TENM1: variants seen among roughly 807,000 people sequenced by gnomAD.
TENM1 encodes teneurin transmembrane protein 1, also known as teneurin-1.
TENM1 carries 35 observed loss-of-function variants against 174.8 expected under a neutral mutation model. That is an observed-to-expected ratio of 0.20 (90% CI 0.15 to 0.27). The LOEUF (loss-of-function observed/expected upper bound fraction) is 0.27, where lower values mean the gene tolerates loss of function less well. Among genes scored for constraint, TENM1 ranks in the 10% least tolerant of loss-of-function variants. TENM1 has a pLI of 1.00. For missense variants in TENM1, 1,633 were observed against 2,130.1 expected (o/e 0.77, Z 4.59); for synonymous variants, 781 against 798.7 (o/e 0.98, Z 0.37).
intron 25 of TENM1, 114 bp from the exon 29 acceptor site, chrX:124,406,603 T>G: frequency 2.2e-6 from 1 of 446,545 alleles, no homozygotes; most frequent in Middle Eastern, 6.8e-4. Flanking sequence ...ATAACAAGTA[T>G]TATTAACCTT....
At chrX:124,618,928 A>G (rs1471965346) in intron 11 of TENM1, among the ~76,000 whole-genome samples, 1 of 111,062 alleles carries the variant, frequency 9.0e-6, no homozygotes, top group Non-Finnish European at 1.9e-5. Flanking sequence ...AAAAAATTTT[A>G]AAAAGCTAGC....
the TENM1 span, among the ~76,000 whole-genome samples, chrX:125,145,466 C>G: frequency 8.9e-6 from 1 of 112,416 alleles, no homozygotes; most frequent in Non-Finnish European, 1.9e-5. Context: ...AAATTTGTAA[C>G]TTGGCCTTAA....
intron 5 of TENM1, among the ~76,000 whole-genome samples, chrX:124,673,196 T>C (rs1349241853): frequency 9.0e-6 from 1 of 111,409 alleles, no homozygotes; most frequent in Non-Finnish European, 1.9e-5. Flanking sequence ...AAATATGACT[T>C]TGTAAAGTAC....
chrX:125,130,891 G>A, the TENM1 span, among the ~76,000 whole-genome samples: 4 of 110,844 alleles, frequency 3.6e-5, no homozygotes, highest in South Asian at 7.7e-4. Flanking sequence ...GGAGACACTC[G>A]GTAAATAAAA....
At chrX:124,434,824 C>T (rs1569531507) in intron 23 of TENM1, among the ~76,000 whole-genome samples, 2 of 111,800 alleles carry the variant, frequency 1.8e-5, no homozygotes, top group African/African-American at 6.5e-5. Context: ...TGCTACTTGC[C>T]GATTTACTGT....
At chrX:124,888,990 T>C (rs926166222) in intron 3 of TENM1, among the ~76,000 whole-genome samples, 2 of 112,472 alleles carry the variant, frequency 1.8e-5, no homozygotes, top group African/African-American at 6.5e-5. Context: ...AACCACTTAC[T>C]ATACAGAAAA....
At chrX:124,578,094 TA>T (rs35737332) in intron 11 of TENM1, among the ~76,000 whole-genome samples, 1 of 107,047 alleles carries the variant, frequency 9.3e-6, no homozygotes, top group Non-Finnish European at 1.9e-5. Context: ...CCCAGCTAAT[TA>T]AAAAAAATTT....
chrX:124,717,869 A>G (rs2053222937), intron 4 of TENM1, among the ~76,000 whole-genome samples: 1 of 112,257 alleles, frequency 8.9e-6, no homozygotes, highest in African/African-American at 3.2e-5. Context: ...GAAGAAAACA[A>G]AAGGAAATCT....
intron 26 of TENM1, among the ~76,000 whole-genome samples, chrX:124,406,061 G>T (rs182650834): frequency 9.6e-4 from 103 of 106,756 alleles, no homozygotes; most frequent in African/African-American, 3.4e-3. Context: ...GCTGGGTATT[G>T]GGAAATAAGT....
At chrX:125,031,494 T>G in the TENM1 span, among the ~76,000 whole-genome samples, 1 of 111,877 alleles carries the variant, frequency 8.9e-6, no homozygotes, top group Non-Finnish European at 1.9e-5. Flanking sequence ...TACAAAGAAT[T>G]CTTTTTTAAT....
intron 15 of TENM1, among the ~76,000 whole-genome samples, chrX:124,545,575 T>C (rs1166512146): frequency 8.9e-6 from 1 of 112,106 alleles, no homozygotes; most frequent in Non-Finnish European, 1.9e-5. Flanking sequence ...ACAGAGTTGA[T>C]GTCTTACCTC....
At chrX:124,691,864 T>C (rs995690992) in intron 5 of TENM1, among the ~76,000 whole-genome samples, 5 of 111,591 alleles carry the variant, frequency 4.5e-5, no homozygotes, top group African/African-American at 1.6e-4. Flanking sequence ...CAAGGTTTAA[T>C]AGTAATTTAA....
chrX:124,859,188 A>T (rs2147429870), intron 3 of TENM1, among the ~76,000 whole-genome samples: 1 of 111,341 alleles, frequency 9.0e-6, no homozygotes, highest in Non-Finnish European at 1.9e-5. Flanking sequence ...GATATGGGGA[A>T]GAGTATGTAG....
rs1602805429 is a variant in TENM1 at position 124,617,748 on chromosome X, T to A, written c.2077+24043A>T. Among the ~76,000 whole-genome samples the A allele has an allele frequency of 3.6e-5, 4 of 112,022 alleles. No individual in the cohort carries two copies. The South Asian group carries it at 1.5e-3, about 42-fold the overall frequency. The stretch of plus-strand genomic sequence containing the variant: ...TGTTATGATAATGCTGTTTCTTTTT[T>A]GTTTTTTTCCCAGAAAGGAAACTAG... On this transcript the variant is annotated intron_variant, in intron 11 of 31. Coordinates refer to ENST00000422452, the Ensembl canonical transcript of TENM1.
intron 23 of TENM1, among the ~76,000 whole-genome samples, chrX:124,433,812 T>C (rs1038775167): frequency 8.9e-6 from 1 of 112,012 alleles, no homozygotes; most frequent in African/African-American, 3.2e-5. Context: ...TTTTAAGAAA[T>C]GCATTTCCCA....
At chrX:124,457,002 G>A (rs1272807539) in intron 22 of TENM1, among the ~76,000 whole-genome samples, 1 of 111,764 alleles carries the variant, frequency 8.9e-6, no homozygotes, top group Non-Finnish European at 1.9e-5. Context: ...ATTTTCAACC[G>A]GAATTCATTT....
At chrX:124,486,230 C>T (rs2046951096) in intron 21 of TENM1, among the ~76,000 whole-genome samples, 1 of 112,227 alleles carries the variant, frequency 8.9e-6, no homozygotes, top group Admixed American at 9.5e-5. Flanking sequence ...TCTTTTACAA[C>T]TTGGGTGTTA....
Position 124,885,643 on chromosome X carries a change from G to C in TENM1, c.535+8653C>G, listed in dbSNP as rs1004235766. 2.7e-5 allele frequency among the ~76,000 whole-genome samples: 3 copies of C among 110,463 alleles called. No individual in the cohort carries two copies. In the Admixed American group the frequency reaches 2.9e-4, roughly 11 times the overall value. ...AAGATGCTAATTCATGAGAGAATAT[G>C]ACTAATATTTTATTTTGGAGAGAAC... On this transcript the variant is annotated intron_variant, in intron 3 of 31. Coordinates refer to ENST00000422452, the Ensembl canonical transcript of TENM1.
chrX:125,008,249 A>T, the TENM1 span, among the ~76,000 whole-genome samples: 2 of 96,068 alleles, frequency 2.1e-5, no homozygotes, highest in African/African-American at 4.9e-5. Flanking sequence ...CTAATAAAAC[A>T]AATGTTAAAC....
Sources: allele counts gnomAD v4.1 joint callset (sites outside exome capture counted in the v4.1 genomes callset), GRCh38; gene constraint gnomAD v4.1.1; transcripts MANE v1.5; gene names NCBI Gene and HGNC (gene_info 2026-07-23, HGNC 2026-07-21).